The following DMD variants were observed in gnomAD, a reference collection of about 807,000 sequenced individuals.
DMD encodes dystrophin.
DMD carries 63 observed loss-of-function variants against 330.1 expected under a neutral mutation model. The observed-to-expected ratio is 0.19, with a 90% CI of 0.16 to 0.24. The LOEUF is 0.24. Among genes scored for constraint, DMD ranks in the 10% least tolerant of loss-of-function variants. DMD has a pLI of 1.00. For synonymous variants in DMD, 1,223 were observed against 959.8 expected (o/e 1.27, Z -5.07); for missense variants, 3,344 against 2,684.1 (o/e 1.25, Z -5.43).
At chrX:31,736,726 C>T (rs1335208926) in intron 51 of DMD, among the ~76,000 whole-genome samples, 2 of 111,025 alleles carry the variant, frequency 1.8e-5, no homozygotes, top group Non-Finnish European at 3.8e-5. Context: ...GTAATGCTAA[C>T]GACAACAACA....
chrX:32,182,969 C>A (rs1305629616), intron 44 of DMD, among the ~76,000 whole-genome samples: 1 of 111,132 alleles, frequency 9.0e-6, no homozygotes, highest in Non-Finnish European at 1.9e-5. Flanking sequence ...AAAGTCTATT[C>A]TTTTTCTAAA....
rs2093609433 is a variant in DMD, at chrX:33,009,805, TA to T, written c.93+10333del. 6.3e-5 allele frequency among the ~76,000 whole-genome samples: 2 copies of T among 31,701 alleles called. 1 individual carries two copies. The highest frequency in any genetic ancestry group is 1.3e-4 in the Non-Finnish European group (2 of 15,778). 27.5% of individuals were successfully genotyped at this position (31,701 alleles called of 115,157 possible). ...ATATGTGTATATGTGTGTATATGTGTATATACACACATATGTGTATATGTGT... is the reference window on the plus strand; with the variant it reads ...ATATGTGTATATGTGTGTATATGTGTTATACACACATATGTGTATATGTGT... On this transcript the variant is annotated intron_variant, in intron 2 of 78. Transcript: ENST00000357033.
intron 2 of DMD, among the ~76,000 whole-genome samples, chrX:32,882,931 G>A (rs1169860701): frequency 8.9e-6 from 1 of 112,270 alleles, no homozygotes; most frequent in Non-Finnish European, 1.9e-5. Flanking sequence ...AGTGTATGCA[G>A]CTTTCTTAAC....
intron 7 of DMD, among the ~76,000 whole-genome samples, chrX:32,790,053 G>T (rs1358738292): frequency 3.6e-5 from 4 of 111,568 alleles, no homozygotes; most frequent in African/African-American, 1.3e-4. Context: ...GATATCATAT[G>T]ATCCACTAAC....
intron 9 of DMD, among the ~76,000 whole-genome samples, chrX:32,657,276 A>C (rs1410042908): frequency 8.1e-5 from 9 of 111,751 alleles, no homozygotes; most frequent in African/African-American, 2.9e-4. Flanking sequence ...AGAGAAAATA[A>C]TAGAAGATTT....
At chrX:31,976,599 T>C (rs751954366) in intron 44 of DMD, among the ~76,000 whole-genome samples, 1 of 111,211 alleles carries the variant, frequency 9.0e-6, no homozygotes, top group South Asian at 3.8e-4. Context: ...TGAGAGGCCG[T>C]ATGATTCCCC....
intron 60 of DMD, among the ~76,000 whole-genome samples, chrX:31,384,281 G>A (rs981042163): frequency 1.8e-5 from 2 of 109,451 alleles, no homozygotes; most frequent in African/African-American, 6.7e-5. Context: ...GTTCCCGCCC[G>A]CGAGGGGATC....
chrX:32,305,624 C>T (rs1329947814), intron 42 of DMD, among the ~76,000 whole-genome samples: 1 of 111,401 alleles, frequency 9.0e-6, no homozygotes, highest in African/African-American at 3.3e-5. Flanking sequence ...CCCTACAGTT[C>T]TACTCTCAAC....
chrX:32,275,961 T>C (rs935142174), intron 43 of DMD, among the ~76,000 whole-genome samples: 1 of 111,296 alleles, frequency 9.0e-6, no homozygotes, highest in Non-Finnish European at 1.9e-5. Context: ...AAAAGAGGCA[T>C]TGAGGAAAGG....
intron 53 of DMD, among the ~76,000 whole-genome samples, chrX:31,662,283 A>G (rs925149033): frequency 4.5e-5 from 5 of 111,706 alleles, no homozygotes; most frequent in Non-Finnish European, 9.4e-5. Context: ...ATAAATATTA[A>G]TCATCATCAG....
At chrX:32,257,826 T>C (rs980305997) in intron 43 of DMD, among the ~76,000 whole-genome samples, 1 of 111,702 alleles carries the variant, frequency 9.0e-6, no homozygotes, top group Non-Finnish European at 1.9e-5. Context: ...TGGGATCTAA[T>C]GAAACTAAAG....
At chrX:33,219,113 C>G (rs894064550) in intron 1 of DMD, among the ~76,000 whole-genome samples, 1 of 110,989 alleles carries the variant, frequency 9.0e-6, no homozygotes, top group African/African-American at 3.3e-5. Context: ...TTTTTGCATT[C>G]CAGTTGAGAT....
At chrX:32,218,961 C>G (rs2097123377) in intron 43 of DMD, among the ~76,000 whole-genome samples, 1 of 111,714 alleles carries the variant, frequency 9.0e-6, no homozygotes, top group African/African-American at 3.3e-5. Flanking sequence ...TTTTTATTAA[C>G]TACCCAAAAT....
chrX:33,321,325 G>A (rs2054011453), intron 1 of DMD, among the ~76,000 whole-genome samples: 1 of 111,517 alleles, frequency 9.0e-6, no homozygotes, highest in Non-Finnish European at 1.9e-5. Flanking sequence ...GCTACAGAAT[G>A]GATGTTATAT....
intron 76 of DMD, among the ~76,000 whole-genome samples, chrX:31,141,803 T>G (rs2036091175): frequency 9.0e-6 from 1 of 111,583 alleles, no homozygotes; most frequent in African/African-American, 3.3e-5. Context: ...AATCTTGACT[T>G]AAGAGTTGTC....
chrX:31,960,911 T>C (rs959687701), intron 45 of DMD, among the ~76,000 whole-genome samples: 1 of 111,997 alleles, frequency 8.9e-6, no homozygotes, highest in African/African-American at 3.2e-5. Flanking sequence ...ATAATATCTG[T>C]ATGATTCTCT....
intron 2 of DMD, among the ~76,000 whole-genome samples, chrX:32,985,347 A>C (rs905382215): frequency 2.0e-4 from 22 of 112,367 alleles, no homozygotes; most frequent in African/African-American, 6.8e-4. Flanking sequence ...GATTTTAGAC[A>C]TAAGATGTAT....
intron 23 of DMD, 140 bp downstream of exon 23, chrX:32,468,358 G>A (rs1432603168): frequency 1.9e-6 from 1 of 517,568 alleles, no homozygotes; most frequent in Non-Finnish European, 3.2e-6. Flanking sequence ...CTTTGTAAAA[G>A]ACTCATGTCT....
intron 47 of DMD, among the ~76,000 whole-genome samples, chrX:31,921,709 G>T (rs996653148): frequency 2.7e-5 from 3 of 112,031 alleles, no homozygotes; most frequent in Admixed American, 9.4e-5. Flanking sequence ...CTACCTCATT[G>T]AATTTTCACC....
Sources: gnomAD v4.1 joint callset for allele counts (sites outside exome capture counted in the v4.1 genomes callset) on GRCh38, gnomAD v4.1.1 for gene constraint, MANE v1.5 for transcripts, NCBI Gene and HGNC (gene_info 2026-07-23, HGNC 2026-07-21) for gene names.